FAM149A: variants seen among roughly 807,000 people sequenced by gnomAD.
FAM149A encodes protein FAM149A.
In FAM149A, 71 loss-of-function variants were observed where a neutral mutation model predicts 78.2. The observed-to-expected ratio is 0.91, with a 90% CI of 0.75 to 1.11. The LOEUF is 1.11. FAM149A is among the 50% of genes least tolerant of loss of function. FAM149A has a pLI of 0.00. For synonymous variants in FAM149A, 446 were observed against 410.5 expected (o/e 1.09, Z -1.04); for missense variants, 1,036 against 971.0 (o/e 1.07, Z -0.89).
Position 186,109,930 on chromosome 4 carries a change from T to A in FAM149A, c.566+4288T>A, listed in dbSNP as rs1397378258. On this transcript the variant is annotated intron_variant, in intron 1 of 13. Transcript: ENST00000389354. ...TTTAATTAACATTACCACTGAGTGC[T>A]GTGTAACACCCAGAAGGAAATGCAT... The A allele has an allele frequency of 8.1e-6, 8 of 985,344 alleles. No homozygotes were observed. The African/African-American group carries it at 1.4e-4, about 17-fold the overall frequency. 61.0% of individuals were successfully genotyped at this position (985,344 alleles called of 1,614,324 possible). A position where few individuals can be genotyped will look rare whatever the true frequency, so the allele number is the denominator to read the frequency against.
intron 1 of FAM149A, among the ~76,000 whole-genome samples, chr4:186,136,998 C>A (rs930233885): frequency 7.2e-6 from 1 of 138,940 alleles, no homozygotes; most frequent in African/African-American, 2.7e-5. Flanking sequence ...CTCTCTCTCT[C>A]TCTCTCTCTC....
Position 186,144,668 on chromosome 4 carries a change from T to G in FAM149A, c.567-4505T>G. 2.8e-6 allele frequency: 1 copy of G among 360,290 alleles called. No homozygotes were observed. Among genetic ancestry groups the G allele is most frequent in the Non-Finnish European group, 3.9e-6 (1 of 257,884 alleles). 22.3% of individuals were successfully genotyped at this position (360,290 alleles called of 1,614,324 possible). On this transcript the variant is annotated intron_variant, in intron 1 of 13. Transcript: ENST00000389354. The surrounding 1 kb of genome is among the most constrained non-coding windows in gnomAD (Gnocchi z 4.2). ...CGTGCGCGGAGGAGTGGCCGCTGGG[T>G]TGGAAACCCGGCCCGGCAGGGAGCG...
rs367678629 is a variant in FAM149A at position 186,144,722 on chromosome 4, G to GCGGGGC, written c.567-4431_567-4426dup. ...AAGGCGCGCTTTCCCGGAGGTCGGC[G>GCGGGGC]CGGGGCCGGGGCCGGGGCCGGGGCC... On this transcript the variant is annotated intron_variant, in intron 1 of 13. Coordinates refer to ENST00000389354, the MANE Select transcript of FAM149A (RefSeq NM_001367768.3). The surrounding 1 kb of genome is among the most constrained non-coding windows in gnomAD (Gnocchi z 4.2). 232,985 of 634,164 alleles carry GCGGGGC rather than the reference G, an allele frequency of 0.37. 41,645 individuals are homozygous for GCGGGGC. The highest frequency in any genetic ancestry group is 0.5 in the East Asian group (3,430 of 6,808). The allele number at this position is 634,164 out of a possible 1,614,324, so 39.3% of individuals were successfully genotyped here. A position where few individuals can be genotyped will look rare whatever the true frequency, so the allele number is the denominator to read the frequency against.
At chr4:186,166,892 G>A in intron 11 of FAM149A, 76 bp from the exon 12 acceptor site, 1 of 1,448,356 alleles carries the variant, frequency 6.9e-7, no homozygotes, top group Non-Finnish European at 9.6e-7. Context: ...GTGAACGATT[G>A]AGCATGTCGA....
rs372841067 is a variant in FAM149A at position 186,152,013 on chromosome 4, C to G, written c.900C>G (p.Cys300Trp). Residue 300 changes from cysteine (C) to tryptophan (W), a missense_variant, in exon 4 of 14, where the codon TGC becomes TGG. By Grantham distance (215) the Cys-to-Trp change is radical. Coordinates refer to ENST00000389354, the MANE Select transcript of FAM149A (RefSeq NM_001367768.3). ...AGACCCAGAGTCTGCTGGCCGAATG[C>G]GGGGAGTGGACAAGAAGATCCCTCC... is the stretch of plus-strand genomic sequence containing the variant. The G allele has an allele frequency of 2.5e-6, 4 of 1,613,856 alleles. No homozygotes were observed. In the African/African-American group the frequency reaches 5.3e-5, roughly 22 times the overall value.
chr4:186,167,403 A>C (rs1313916023), intron 13 of FAM149A, 141 bp downstream of exon 13: 2 of 778,654 alleles, frequency 2.6e-6, no homozygotes, highest in Non-Finnish European at 4.5e-6. Context: ...CTGTGGCCTG[A>C]CCTCAGAAAC....
intron 1 of FAM149A, among the ~76,000 whole-genome samples, chr4:186,138,120 T>C (rs2099324271): frequency 6.6e-6 from 1 of 152,206 alleles, no homozygotes; most frequent in Non-Finnish European, 1.5e-5. Flanking sequence ...GGTACATGTG[T>C]CACAACTAAT....
At position 186,117,483 on chromosome 4, in the gene FAM149A, G is replaced by A. The variant is rs985591103; in HGVS notation, c.566+11841G>A. On this transcript the variant is annotated intron_variant, in intron 1 of 13. Coordinates refer to ENST00000389354, the MANE Select transcript of FAM149A (RefSeq NM_001367768.3). ...AGGAGGCGCGGAGATGATGCTGAAC[G>A]AGGGGCGATGTCAGGGGTCTGAGTT... 7.1e-6 allele frequency: 7 copies of A among 985,290 alleles called. No homozygotes were observed. The South Asian group carries it at 1.4e-4, about 20-fold the overall frequency. 61.0% of individuals were successfully genotyped at this position (985,290 alleles called of 1,614,324 possible). A position where few individuals can be genotyped will look rare whatever the true frequency, so the allele number is the denominator to read the frequency against.
chr4:186,150,391 TGC>T lies in FAM149A; in HGVS notation c.789+688_789+689del, dbSNP rs1426685632. On this transcript the variant is annotated intron_variant, in intron 3 of 13. Transcript: ENST00000389354. ...TTGTTGTTGTTGTTTTTTGCTTGCT[TGC>T]TTTCTCTCTCTCTCTGTCTCTTTTT... Among the ~76,000 whole-genome samples the T allele has an allele frequency of 5.0e-3, 375 of 75,010 alleles. 3 individuals are homozygous for T. Among genetic ancestry groups the T allele is most frequent in the African/African-American group, 0.03 (314 of 10,306 alleles). The allele number at this position is 75,010 out of a possible 152,430, so 49.2% of individuals were successfully genotyped here.
intron 1 of FAM149A, among the ~76,000 whole-genome samples, chr4:186,128,519 T>G (rs1332612558): frequency 1.3e-5 from 2 of 152,026 alleles, no homozygotes; most frequent in Non-Finnish European, 2.9e-5. Context: ...CTGGAACACC[T>G]TAGCTCACGA....
At chr4:186,140,441 C>CTTTTT (rs67506672) in intron 1 of FAM149A, among the ~76,000 whole-genome samples, 87 of 104,972 alleles carry the variant, frequency 8.3e-4, no homozygotes, top group African/African-American at 1.6e-3. Context: ...ACACACCTAG[C>CTTTTT]TTTTTTTTTT....
At chr4:186,161,785 A>G (rs1579921168) in intron 8 of FAM149A, among the ~76,000 whole-genome samples, 1 of 152,266 alleles carries the variant, frequency 6.6e-6, no homozygotes, top group African/African-American at 2.4e-5. Context: ...AGTTCTAATT[A>G]TGAAAGCTCT....
rs150872905 is a variant in FAM149A at position 186,116,384 on chromosome 4, G to A, written c.566+10742G>A. 2,335 of 770,746 alleles carry A rather than the reference G, an allele frequency of 3.0e-3. 44 individuals are homozygous for A. In the African/African-American group the frequency reaches 0.038, roughly 13 times the overall value. The allele number at this position is 770,746 out of a possible 1,614,324, so 47.7% of individuals were successfully genotyped here. On this transcript the variant is annotated intron_variant, in intron 1 of 13. Transcript: ENST00000389354. ...TCACTCACGCTGGGAGCTGTAGACC[G>A]GAGCTGTTCCTATTTGGCCATCTTG...
intron 1 of FAM149A, chr4:186,146,366 T>G: frequency 3.4e-6 from 2 of 586,002 alleles, no homozygotes; most frequent in Non-Finnish European, 4.3e-6. Context: ...GTTACCCAAC[T>G]TCCCATTTCC....
intron 13 of FAM149A, chr4:186,171,281 T>G (rs1167351795): frequency 2.6e-5 from 4 of 152,216 alleles, no homozygotes; most frequent in African/African-American, 4.8e-5. Context: ...GACGCACCGC[T>G]TCAGAGGATG....
At chr4:186,147,925 G>C (rs898109853) in intron 1 of FAM149A, among the ~76,000 whole-genome samples, 1 of 151,968 alleles carries the variant, frequency 6.6e-6, no homozygotes, top group Non-Finnish European at 1.5e-5. Context: ...AAGCAACAAA[G>C]AGAATAAAAA....
chr4:186,153,589 A>C lies in FAM149A; in HGVS notation c.933-56A>C, dbSNP rs1198097172. On this transcript the variant is annotated intron_variant, in intron 4 of 13. Transcript: ENST00000389354. Reference sequence around the variant, plus strand: ...ATTGTCTCCTACTTTTAAAATCTCCAAACATTTTCCCTTTGTCTGATCAAA... The same window carrying C: ...ATTGTCTCCTACTTTTAAAATCTCCCAACATTTTCCCTTTGTCTGATCAAA... The C allele has an allele frequency of 4.4e-5, 69 of 1,578,094 alleles. No individual in the cohort carries two copies. In the Middle Eastern group the frequency reaches 5.1e-4, roughly 12 times the overall value.
At chr4:186,109,252 T>C in intron 1 of FAM149A, 1 of 936,394 alleles carries the variant, frequency 1.1e-6, no homozygotes, top group Non-Finnish European at 1.3e-6. Context: ...TGTAAACTTC[T>C]AGTCAGGAAG....
At chr4:186,137,172 G>C (rs1158930721) in intron 1 of FAM149A, among the ~76,000 whole-genome samples, 5 of 152,010 alleles carry the variant, frequency 3.3e-5, no homozygotes, top group Non-Finnish European at 7.4e-5. Flanking sequence ...ATCTTTGAAA[G>C]CTAAACTTTT....
Sources: gnomAD v4.1 joint callset for allele counts (sites outside exome capture counted in the v4.1 genomes callset) on GRCh38, gnomAD v4.1.1 for gene constraint, Gnocchi (gnomAD v3.1) non-coding constraint, MANE v1.5 for transcripts, NCBI Gene and HGNC (gene_info 2026-07-23, HGNC 2026-07-21) for gene names.